Variants in ADAM9 observed in about 807,000 individuals in gnomAD.
ADAM9 encodes the protein disintegrin and metalloproteinase domain-containing protein 9.
Under a neutral mutation model 108.1 loss-of-function variants are expected in ADAM9, and 54 were observed. The ratio of observed to expected loss-of-function variants is 0.50; its 90% CI spans 0.40 to 0.63. The LOEUF (loss-of-function observed/expected upper bound fraction) is 0.63. Ranked by LOEUF, ADAM9 falls within the 20% of genes least tolerant of loss-of-function variation. The pLI is 0.00. For missense variants in ADAM9, 830 were observed against 997.7 expected, an observed-to-expected ratio of 0.83 and a Z score of 2.26; for synonymous variants, 316 against 336.0, an observed-to-expected ratio of 0.94 and a Z score of 0.65.
chr8:39,077,216 C>T lies in ADAM9; in HGVS notation c.1698-12C>T. The T allele has an allele frequency of 6.2e-7, 1 of 1,613,682 alleles. No homozygotes were observed. Among genetic ancestry groups the T allele is most frequent in the African/African-American group, 1.3e-5 (1 of 75,018 alleles). ...ATGCATTTTATGTTGCATTATTTCT[C>T]TCTCTTTATAGGAATGCTTTGTGTG... On this transcript the variant is annotated splice_polypyrimidine_tract_variant and intron_variant, in intron 15 of 21. Coordinates refer to ENST00000487273, the MANE Select transcript of ADAM9 (RefSeq NM_003816.3).
chr8:39,056,510 C>G (rs988512692), intron 14 of ADAM9, among the ~76,000 whole-genome samples: 1 of 152,136 alleles, frequency 6.6e-6, no homozygotes, highest in Non-Finnish European at 1.5e-5. Flanking sequence ...CAACTCCCAT[C>G]ATACCTATGC....
chr8:39,073,329 A>G (rs1838756290), intron 15 of ADAM9, among the ~76,000 whole-genome samples: 3 of 152,098 alleles, frequency 2.0e-5, no homozygotes, highest in South Asian at 4.1e-4. Flanking sequence ...TTTGCTGTGT[A>G]TGTTTTAAAT....
At chr8:39,088,778 G>A (rs139793273) in intron 18 of ADAM9, among the ~76,000 whole-genome samples, 10 of 152,182 alleles carry the variant, frequency 6.6e-5, no homozygotes, top group Non-Finnish European at 1.2e-4. Context: ...AAACTTTTCC[G>A]TGGAGAAAAG....
intron 11 of ADAM9, among the ~76,000 whole-genome samples, chr8:39,029,650 C>A (rs993341238): frequency 2.6e-5 from 4 of 152,112 alleles, no homozygotes; most frequent in African/African-American, 9.7e-5. Context: ...GATTATGTGA[C>A]TTTGATCCTT....
Position 39,023,235 on chromosome 8 carries a change from G to T in ADAM9, c.824G>T (p.Gly275Val). 2 of 1,613,786 alleles carry T rather than the reference G, an allele frequency of 1.2e-6. No homozygotes were observed. The highest frequency in any genetic ancestry group is 1.7e-6 in the Non-Finnish European group (2 of 1,179,880). The change falls in exon 9 of 22, where the codon GGG (glycine) becomes GTG (valine). Residue 275 changes from glycine (G) to valine (V), a missense_variant. Gly to Val is a moderately radical substitution (Grantham distance 109, BLOSUM62 -3). Transcript: ENST00000487273. ...AATGGAAACCTGATCAACATAGTTG[G>T]GGGTGCTGGTGATGTGCTGGGGAAC... ...WTNGNLINIV[G>V]GAGDVLGNFV...
chr8:39,026,811 G>A lies in ADAM9; in HGVS notation c.1130+1G>A, dbSNP rs786205085. ...GCTGCATCATGAATTCAGGAGCATC[G>A]TGAGTACCTGGGTTCTTCTTCTCCT... On this transcript the variant is annotated splice_donor_variant, in intron 11 of 21. Transcript: ENST00000487273. LOFTEE classifies it high-confidence loss of function. The A allele has an allele frequency of 6.5e-7, 1 of 1,528,132 alleles. No individual in the cohort carries two copies. The highest frequency in any genetic ancestry group is 8.7e-7 in the Non-Finnish European group (1 of 1,146,362). 94.7% of individuals were successfully genotyped at this position (1,528,132 alleles called of 1,614,324 possible).
intron 14 of ADAM9, among the ~76,000 whole-genome samples, chr8:39,067,712 T>A (rs888402949): frequency 6.6e-5 from 10 of 152,242 alleles, no homozygotes; most frequent in Admixed American, 6.5e-4. Flanking sequence ...TGACTTCCTC[T>A]TTTCCTAATT....
Position 39,017,211 on chromosome 8 carries a change from AC to A in ADAM9, c.411-7del. ...TTAAAATTTGTATACGTGTAATGCA[AC>A]ATTCAGAGGATTGCTGCATTTAGAG... is the stretch of plus-strand genomic sequence containing the variant. On this transcript the variant is annotated splice_polypyrimidine_tract_variant and splice_region_variant and intron_variant, in intron 5 of 21. Transcript: ENST00000487273. 6.2e-7 allele frequency: 1 copy of A among 1,613,950 alleles called. No homozygotes were observed.
chr8:39,012,759 A>G (rs1481772807), intron 3 of ADAM9, among the ~76,000 whole-genome samples: 1 of 152,184 alleles, frequency 6.6e-6, no homozygotes, highest in African/African-American at 2.4e-5. Flanking sequence ...GAACACTTGG[A>G]CACAGGAAGG....
intron 12 of ADAM9, among the ~76,000 whole-genome samples, chr8:39,048,421 C>G (rs887805847): frequency 6.6e-6 from 1 of 152,100 alleles, no homozygotes; most frequent in African/African-American, 2.4e-5. Context: ...CTAGTTTCAT[C>G]CATTTTGGTC....
At chr8:39,080,593 A>G (rs1377255239) in intron 16 of ADAM9, among the ~76,000 whole-genome samples, 1 of 152,202 alleles carries the variant, frequency 6.6e-6, no homozygotes, top group Non-Finnish European at 1.5e-5. Context: ...CACACGGCAG[A>G]TAGGATCCTG....
intron 11 of ADAM9, among the ~76,000 whole-genome samples, chr8:39,037,295 C>T (rs1485060925): frequency 2.2e-4 from 33 of 147,578 alleles, no homozygotes; most frequent in African/African-American, 3.2e-4. Context: ...GTGATCCACC[C>T]GCCTCGGCCT....
intron 20 of ADAM9, among the ~76,000 whole-genome samples, chr8:39,096,608 T>A (rs1182180336): frequency 6.6e-6 from 1 of 152,240 alleles, no homozygotes; most frequent in Non-Finnish European, 1.5e-5. Context: ...TCTCTGTCTA[T>A]ACACTTACCA....
At chr8:39,095,406 T>C (rs55985346) in intron 20 of ADAM9, among the ~76,000 whole-genome samples, 3,744 of 152,330 alleles carry the variant, frequency 0.025, 175 homozygotes, top group African/African-American at 0.086. Context: ...AGTGATTGTT[T>C]AGGAGCATGT....
intron 1 of ADAM9, among the ~76,000 whole-genome samples, chr8:39,002,312 C>CATT (rs1836021316): frequency 1.4e-5 from 1 of 71,482 alleles, no homozygotes; most frequent in Admixed American, 2.0e-4. Flanking sequence ...AGGTAGAATT[C>CATT]TTTTTTTTTT....
At chr8:39,066,598 T>G (rs984563591) in intron 14 of ADAM9, among the ~76,000 whole-genome samples, 3 of 152,218 alleles carry the variant, frequency 2.0e-5, no homozygotes, top group African/African-American at 7.2e-5. Context: ...TTGATGGGGT[T>G]GTTTGATTTT....
At chr8:39,045,482 A>G (rs1453669047) in intron 12 of ADAM9, among the ~76,000 whole-genome samples, 2 of 148,604 alleles carry the variant, frequency 1.3e-5, no homozygotes, top group Non-Finnish European at 3.0e-5. Context: ...ACACACACCT[A>G]TATGTGCGTG....
intron 20 of ADAM9, among the ~76,000 whole-genome samples, chr8:39,096,989 C>A (rs1208167243): frequency 6.6e-6 from 1 of 152,048 alleles, no homozygotes; most frequent in Non-Finnish European, 1.5e-5. Flanking sequence ...TTATATATAT[C>A]TGTTTCCTTA....
chr8:39,011,092 C>CAAA (rs34155093), intron 2 of ADAM9, among the ~76,000 whole-genome samples: 48 of 72,964 alleles, frequency 6.6e-4, no homozygotes, highest in African/African-American at 2.0e-3. Flanking sequence ...GACTCCATCT[C>CAAA]AAAAAAAAAA....
Sources: gnomAD v4.1 joint callset for allele counts (sites outside exome capture counted in the v4.1 genomes callset) on GRCh38, gnomAD v4.1.1 for gene constraint, MANE v1.5 for transcripts, NCBI Gene and HGNC (gene_info 2026-07-23, HGNC 2026-07-21) for gene names.